Variants in SLC43A1 observed in about 807,000 individuals in gnomAD.
The protein encoded by SLC43A1 is large neutral amino acids transporter small subunit 3.
SLC43A1 carries 31 observed loss-of-function variants against 59.5 expected under a neutral mutation model. The observed-to-expected ratio is 0.52, with a 90% CI of 0.39 to 0.70. The LOEUF is 0.70. SLC43A1 is among the 30% of genes least tolerant of loss of function. The pLI, the probability that SLC43A1 is intolerant of heterozygous loss-of-function variation, is 0.00. For missense variants in SLC43A1, 598 were observed against 717.8 expected (o/e 0.83, Z 1.91); for synonymous variants, 259 against 290.9 (o/e 0.89, Z 1.12).
intron 2 of SLC43A1, among the ~76,000 whole-genome samples, chr11:57,505,629 C>T (rs1448170484): frequency 6.6e-6 from 1 of 151,852 alleles, no homozygotes; most frequent in Non-Finnish European, 1.5e-5. Flanking sequence ...TAACAGCAAA[C>T]CCGATATTCC....
chr11:57,492,271 T>C (rs1418671941), intron 8 of SLC43A1, among the ~76,000 whole-genome samples: 1 of 140,900 alleles, frequency 7.1e-6, no homozygotes, highest in African/African-American at 2.6e-5. Flanking sequence ...TATATATAAA[T>C]ATACATATAT....
In SLC43A1 at chr11:57,515,048, G is replaced by A; in HGVS notation, c.-14+396C>T. 1.0e-6 allele frequency: 1 copy of A among 985,534 alleles called. No homozygotes were observed. The highest frequency in any genetic ancestry group is 1.7e-5 in the African/African-American group (1 of 57,316). 61.0% of individuals were successfully genotyped at this position (985,534 alleles called of 1,614,324 possible). A position where few individuals can be genotyped will look rare whatever the true frequency, so the allele number is the denominator to read the frequency against. ...GAGCGACAACTGGGATGAGACCGAG[G>A]AAAGCGGAGAGGAGAAGGGCAAGAA... On this transcript the variant is annotated intron_variant, in intron 1 of 14. Transcript: ENST00000278426. This position sits in a 1 kb window ranked among gnomAD's most constrained non-coding sequence, Gnocchi z 5.3.
intron 2 of SLC43A1, among the ~76,000 whole-genome samples, chr11:57,509,112 C>CAA (rs34394294): frequency 7.5e-6 from 1 of 133,628 alleles, no homozygotes; most frequent in Non-Finnish European, 1.6e-5. Context: ...ACTCTGTCTC[C>CAA]AAAAAAAAAA....
intron 14 of SLC43A1, among the ~76,000 whole-genome samples, chr11:57,486,741 G>A (rs1243717204): frequency 2.0e-5 from 3 of 149,940 alleles, no homozygotes; most frequent in African/African-American, 4.9e-5. Flanking sequence ...CCCGGGAGGC[G>A]GAGCTTGCAG....
At chr11:57,507,952 A>G (rs1293922289) in intron 2 of SLC43A1, among the ~76,000 whole-genome samples, 4 of 152,216 alleles carry the variant, frequency 2.6e-5, no homozygotes, top group Non-Finnish European at 5.9e-5. Flanking sequence ...CCATTTTACC[A>G]TATGGGGTAA....
chr11:57,500,501 G>A (rs2135190361), intron 5 of SLC43A1, among the ~76,000 whole-genome samples: 1 of 152,264 alleles, frequency 6.6e-6, no homozygotes, highest in East Asian at 1.9e-4. Context: ...TTGTGCTGTA[G>A]TCCAGGACCT....
At chr11:57,497,593 C>T (rs1944123986) in intron 6 of SLC43A1, among the ~76,000 whole-genome samples, 160 bp downstream of exon 6, 1 of 152,228 alleles carries the variant, frequency 6.6e-6, no homozygotes. Context: ...GCTGAGAAAG[C>T]TTGCTGTGGC....
Position 57,485,186 on chromosome 11 carries a change from G to C in SLC43A1, c.1590C>G (p.Leu530=). Residue 530 remains leucine (L), a synonymous_variant, in exon 15 of 15, where the codon CTC becomes CTG. Transcript: ENST00000278426. ...SLLGFLLPSY[L]FYYRARLQQE... Reference sequence around the variant, plus strand: ...GCTGGAGCCGGGCACGGTAATAGAAGAGGTAGGAAGGCAACAGGAATCCCA... The same window carrying C: ...GCTGGAGCCGGGCACGGTAATAGAACAGGTAGGAAGGCAACAGGAATCCCA... 1.2e-6 allele frequency: 2 copies of C among 1,614,076 alleles called. No individual in the cohort carries two copies. The highest frequency in any genetic ancestry group is 1.7e-6 in the Non-Finnish European group (2 of 1,179,988).
chr11:57,494,746 G>A (rs957032476), intron 7 of SLC43A1, among the ~76,000 whole-genome samples: 1 of 152,072 alleles, frequency 6.6e-6, no homozygotes, highest in Admixed American at 6.5e-5. Flanking sequence ...ATTCTTTTAT[G>A]TCCCTCTTTT....
At chr11:57,500,956 C>T (rs117108563) in intron 4 of SLC43A1, 32 bp downstream of exon 4, 28,475 of 1,596,818 alleles carry the variant, frequency 0.018, 308 homozygotes, top group Non-Finnish European at 0.022. Context: ...CTATTCTTTT[C>T]TTGTGGGGCC....
intron 2 of SLC43A1, among the ~76,000 whole-genome samples, chr11:57,512,049 G>A (rs1175149050): frequency 6.6e-6 from 1 of 152,096 alleles, no homozygotes; most frequent in Non-Finnish European, 1.5e-5. Context: ...ACTTGAAATG[G>A]GTGACTTGTG....
Position 57,513,938 on chromosome 11 carries a change from C to A in SLC43A1, c.154+20G>T. On this transcript the variant is annotated intron_variant, in intron 2 of 14. Transcript: ENST00000278426. Reference sequence around the variant, plus strand: ...TTGCCATCCCTCCCCCCAGCCCACCCAGCCCATTTTCAGGCATACCTGGGC... The same window carrying A: ...TTGCCATCCCTCCCCCCAGCCCACCAAGCCCATTTTCAGGCATACCTGGGC... 3 of 1,311,324 alleles carry A rather than the reference C, an allele frequency of 2.3e-6. No individual in the cohort carries two copies. Among genetic ancestry groups the A allele is most frequent in the South Asian group, 2.5e-5 (2 of 80,184 alleles). 81.2% of individuals were successfully genotyped at this position (1,311,324 alleles called of 1,614,324 possible).
chr11:57,485,548 G>A (rs1943707045), intron 14 of SLC43A1, among the ~76,000 whole-genome samples: 1 of 152,200 alleles, frequency 6.6e-6, no homozygotes, highest in African/African-American at 2.4e-5. Context: ...TGGTCAGGCT[G>A]CTCCCGAAAT....
intron 2 of SLC43A1, among the ~76,000 whole-genome samples, chr11:57,512,359 A>C (rs906250055): frequency 6.6e-6 from 1 of 152,096 alleles, no homozygotes; most frequent in African/African-American, 2.4e-5. Flanking sequence ...CGGGAGGCCG[A>C]GCCGGGTGGG....
In SLC43A1 at chr11:57,491,299, A is replaced by T. The variant is rs1284587918; in HGVS notation, c.1118T>A (p.Ile373Asn). The T allele has an allele frequency of 6.2e-7, 1 of 1,611,854 alleles. No homozygotes were observed. The highest frequency in any genetic ancestry group is 1.1e-5 in the South Asian group (1 of 90,792). Residue 373 changes from isoleucine to asparagine, a missense_variant, in exon 11 of 15, where the codon ATT (isoleucine) becomes AAT (asparagine). Ile to Asn is a moderately radical substitution (Grantham distance 149). Coordinates refer to ENST00000278426, the MANE Select transcript of SLC43A1 (RefSeq NM_003627.6). ...QLLCLLTCPL[I>N]GYIMDWRIKD... ...GATCCGCCAGTCCATGATGTAGCCA[A>T]TGAGGGGGCAGGTGAGAAGGCACAA...
Position 57,485,001 on chromosome 11 carries a change from A to G in SLC43A1, c.*95T>C, listed in dbSNP as rs1190974074. 6 of 1,320,926 alleles carry G rather than the reference A, an allele frequency of 4.5e-6. No individual in the cohort carries two copies. In the East Asian group the frequency reaches 7.2e-5, roughly 16 times the overall value. 81.8% of individuals were successfully genotyped at this position (1,320,926 alleles called of 1,614,324 possible). A position where few individuals can be genotyped will look rare whatever the true frequency, so the allele number is the denominator to read the frequency against. The stretch of plus-strand genomic sequence containing the variant: ...TTTATAAATCTACGGCCATGGCTCT[A>G]TGTGCATGTTACAGGTAGAAAAGCC... On this transcript the variant is annotated 3_prime_UTR_variant, in exon 15 of 15. Coordinates refer to ENST00000278426, the MANE Select transcript of SLC43A1 (RefSeq NM_003627.6).
intron 2 of SLC43A1, among the ~76,000 whole-genome samples, chr11:57,508,287 A>G (rs1944440719): frequency 6.6e-6 from 1 of 152,100 alleles, no homozygotes; most frequent in African/African-American, 2.4e-5. Flanking sequence ...AAAGAAAAGA[A>G]AAGAAAGAAA....
At chr11:57,497,936 C>A in intron 5 of SLC43A1, 91 bp from the exon 6 acceptor site, 2 of 876,008 alleles carry the variant, frequency 2.3e-6, no homozygotes, top group Non-Finnish European at 1.8e-6. Context: ...CCCCAGGAGA[C>A]GCAGCAGAAA....
chr11:57,488,818 G>T, intron 13 of SLC43A1, 98 bp downstream of exon 13: 1 of 976,092 alleles, frequency 1.0e-6, no homozygotes, highest in Non-Finnish European at 1.7e-6. Flanking sequence ...TCAGAGAGAG[G>T]TGCATTAGGG....
Sources: allele counts gnomAD v4.1 joint callset (sites outside exome capture counted in the v4.1 genomes callset), GRCh38; gene constraint gnomAD v4.1.1; non-coding constraint Gnocchi (gnomAD v3.1); transcripts MANE v1.5; gene names NCBI Gene and HGNC (gene_info 2026-07-23, HGNC 2026-07-21).